The following ZDHHC14 variants were observed in gnomAD, a reference collection of about 807,000 sequenced individuals.
The protein encoded by ZDHHC14 is zDHHC palmitoyltransferase 14.
In ZDHHC14, 16 loss-of-function variants were observed where a neutral mutation model predicts 47.7. That is an observed-to-expected ratio of 0.34 (90% CI 0.23 to 0.51). The LOEUF (loss-of-function observed/expected upper bound fraction) is 0.51, where lower values mean the gene tolerates loss of function less well. Ranked by LOEUF, ZDHHC14 falls within the 20% of genes least tolerant of loss-of-function variation. The pLI, the probability that ZDHHC14 is intolerant of heterozygous loss-of-function variation, is 0.97. For synonymous variants in ZDHHC14, 293 were observed against 278.9 expected, an observed-to-expected ratio of 1.05 and a Z score of -0.50; for missense variants, 515 against 662.5, an observed-to-expected ratio of 0.78 and a Z score of 2.44.
chr6:157,628,474 C>T lies in ZDHHC14; in HGVS notation c.691C>T (p.His231Tyr). The T allele has an allele frequency of 6.2e-7, 1 of 1,611,952 alleles. No individual in the cohort carries two copies. Among genetic ancestry groups the T allele is most frequent in the Non-Finnish European group, 8.5e-7 (1 of 1,179,592 alleles). ...TVFIFAFVITHVILRSQQTGF... is the reference protein window; with the variant it reads ...TVFIFAFVITYVILRSQQTGF... ...CTTTATATTTGCATTCGTTATCACC[C>T]ACGTCATTCTTCGTAAGTATGCTGG... The change falls in exon 4 of 9, where the codon CAC becomes TAC. Residue 231 changes from histidine to tyrosine, a missense_variant. By Grantham distance (83) the His-to-Tyr change is moderately conservative. This residue lies in a region of ZDHHC14 where 229 missense variants were observed against 351.5 expected (regional missense o/e 0.65). Transcript: ENST00000359775.
At position 157,645,680 on chromosome 6, in the gene ZDHHC14, TCACATC is replaced by T. The variant is rs1277099451; in HGVS notation, c.753-53_753-48del. On this transcript the variant is annotated intron_variant, in intron 5 of 8. Coordinates refer to ENST00000359775, the MANE Select transcript of ZDHHC14 (RefSeq NM_024630.3). ...GGGGTGTTTCGGTTCCAGGCCTCCATCACATCCACTTCTTGCGCGGTCCCTCACTTC... is the reference window on the plus strand; with the variant it reads ...GGGGTGTTTCGGTTCCAGGCCTCCATCACTTCTTGCGCGGTCCCTCACTTC... 20 of 1,444,322 alleles carry T rather than the reference TCACATC, an allele frequency of 1.4e-5. No individual in the cohort carries two copies. In the East Asian group the frequency reaches 4.6e-4, roughly 33 times the overall value. 89.5% of individuals were successfully genotyped at this position (1,444,322 alleles called of 1,614,324 possible).
At chr6:157,664,132 T>A (rs113847627) in intron 8 of ZDHHC14, among the ~76,000 whole-genome samples, 248 of 152,284 alleles carry the variant, frequency 1.6e-3, no homozygotes, top group Non-Finnish European at 2.8e-3. Flanking sequence ...AGAGGATAGG[T>A]CCCTGAGGCT....
At chr6:157,429,008 A>G (rs1468450922) in intron 1 of ZDHHC14, among the ~76,000 whole-genome samples, 1 of 152,100 alleles carries the variant, frequency 6.6e-6, no homozygotes. Context: ...TGTGTTTGCG[A>G]TGAGTGATTT....
intron 1 of ZDHHC14, among the ~76,000 whole-genome samples, chr6:157,483,600 T>C (rs149898822): frequency 7.0e-4 from 107 of 152,334 alleles, no homozygotes; most frequent in Non-Finnish European, 1.3e-3. Flanking sequence ...AACCATTTCA[T>C]GATTATTACC....
chr6:157,557,833 G>A (rs995613121), intron 2 of ZDHHC14, among the ~76,000 whole-genome samples: 3 of 152,224 alleles, frequency 2.0e-5, no homozygotes, highest in Non-Finnish European at 4.4e-5. Flanking sequence ...GTGCAATCCG[G>A]GCAGAGTACT....
intron 1 of ZDHHC14, among the ~76,000 whole-genome samples, chr6:157,394,731 A>G (rs1777487825): frequency 6.6e-6 from 1 of 152,088 alleles, no homozygotes; most frequent in Non-Finnish European, 1.5e-5. Context: ...AAATAACATC[A>G]TCGTCGTCTT....
intron 1 of ZDHHC14, among the ~76,000 whole-genome samples, chr6:157,422,677 C>T (rs561987415): frequency 6.6e-6 from 1 of 152,362 alleles, no homozygotes; most frequent in South Asian, 2.1e-4. Context: ...GGTTTCTACT[C>T]TCCATGATCA....
intron 8 of ZDHHC14, among the ~76,000 whole-genome samples, chr6:157,667,405 G>A (rs1408668259): frequency 6.6e-6 from 1 of 152,068 alleles, no homozygotes; most frequent in Admixed American, 6.5e-5. Flanking sequence ...CAGGAAGGCT[G>A]GGTAGCGGAG....
rs11288647 is a variant in ZDHHC14 at position 157,614,362 on chromosome 6, ATT to A, written c.566-13973_566-13972del. Among the ~76,000 whole-genome samples, 294 of 145,130 alleles carry A rather than the reference ATT, an allele frequency of 2.0e-3. 1 individual carries two copies. The highest frequency in any genetic ancestry group is 7.1e-3 in the Middle Eastern group (2 of 282). On this transcript the variant is annotated intron_variant, in intron 3 of 8. Transcript: ENST00000359775. ...CTTTACCACATTTACTAGCTGACTGATTTTTTTTTTTTTTTGGTTGATGTAAG... is the reference window on the plus strand; with the variant it reads ...CTTTACCACATTTACTAGCTGACTGATTTTTTTTTTTTTGGTTGATGTAAG...
chr6:157,391,329 G>T (rs139913510), intron 1 of ZDHHC14, among the ~76,000 whole-genome samples: 276 of 152,236 alleles, frequency 1.8e-3, no homozygotes, highest in African/African-American at 6.3e-3. Flanking sequence ...CAGCTGCTGT[G>T]CCCCAGCTTT....
intron 3 of ZDHHC14, among the ~76,000 whole-genome samples, chr6:157,618,230 T>C (rs1785042689): frequency 1.3e-5 from 2 of 152,160 alleles, no homozygotes; most frequent in South Asian, 2.1e-4. Context: ...GTGGAGCTTA[T>C]CTCAGAGTTT....
Position 157,675,766 on chromosome 6 carries a change from T to G in ZDHHC14, c.*2644T>G, listed in dbSNP as rs1053887622. 6.6e-6 allele frequency: 1 copy of G among 152,258 alleles called. No individual in the cohort carries two copies. Among genetic ancestry groups the G allele is most frequent in the Non-Finnish European group, 1.5e-5 (1 of 68,046 alleles). The allele number at this position is 152,258 out of a possible 1,614,324, so 9.4% of individuals were successfully genotyped here. On this transcript the variant is annotated 3_prime_UTR_variant, in exon 9 of 9. Transcript: ENST00000359775. ...ACATGTACATAAATATAAATACTTA[T>G]GTTTATAAATGTTGAATGGTTCCTT...
At chr6:157,397,528 C>T (rs138762622) in intron 1 of ZDHHC14, among the ~76,000 whole-genome samples, 27 of 152,316 alleles carry the variant, frequency 1.8e-4, no homozygotes, top group African/African-American at 6.3e-4. Context: ...CATCACACCT[C>T]CCTCTGCCCG....
At chr6:157,459,941 G>C (rs1169894534) in intron 1 of ZDHHC14, among the ~76,000 whole-genome samples, 2 of 151,404 alleles carry the variant, frequency 1.3e-5, no homozygotes, top group Non-Finnish European at 2.9e-5. Context: ...GCCGGGCGTG[G>C]TGTCTCATGC....
chr6:157,641,834 A>G (rs557212866), intron 5 of ZDHHC14, among the ~76,000 whole-genome samples: 1 of 152,236 alleles, frequency 6.6e-6, no homozygotes, highest in African/African-American at 2.4e-5. Context: ...TATCTATCAG[A>G]TAATTTTGTG....
intron 2 of ZDHHC14, among the ~76,000 whole-genome samples, chr6:157,588,097 A>C (rs1783763337): frequency 1.3e-5 from 2 of 152,016 alleles, no homozygotes; most frequent in Admixed American, 1.3e-4. Flanking sequence ...TCTCTACTAA[A>C]AAAAACACAA....
intron 1 of ZDHHC14, among the ~76,000 whole-genome samples, chr6:157,532,928 C>G (rs977333746): frequency 6.6e-6 from 1 of 152,096 alleles, no homozygotes; most frequent in African/African-American, 2.4e-5. Context: ...TCAACAAGTA[C>G]TTATGCATTT....
intron 2 of ZDHHC14, among the ~76,000 whole-genome samples, chr6:157,572,085 TGCCAGTCCATG>T (rs1254073801): frequency 6.6e-6 from 1 of 152,148 alleles, no homozygotes; most frequent in Non-Finnish European, 1.5e-5. Context: ...ATGCCAATAC[TGCCAGTCCATG>T]GCCCACACTT....
At chr6:157,476,176 A>G (rs1260202857) in intron 1 of ZDHHC14, among the ~76,000 whole-genome samples, 1 of 152,154 alleles carries the variant, frequency 6.6e-6, no homozygotes, top group Non-Finnish European at 1.5e-5. Flanking sequence ...TTTTGAAAAG[A>G]TAAAATTAAC....
Sources: allele counts gnomAD v4.1 joint callset (sites outside exome capture counted in the v4.1 genomes callset), GRCh38; gene constraint gnomAD v4.1.1; regional missense constraint gnomAD v4.1.1; transcripts MANE v1.5; gene names NCBI Gene and HGNC (gene_info 2026-07-23, HGNC 2026-07-21).